The following HEXB variants were observed in gnomAD, a reference collection of about 807,000 sequenced individuals.
HEXB encodes the protein hexosaminidase subunit beta, also known as beta-hexosaminidase subunit beta.
In HEXB, 51 loss-of-function variants were observed where a neutral mutation model predicts 71.2. That is an observed-to-expected ratio of 0.72 (90% confidence interval 0.57 to 0.90). HEXB has a LOEUF of 0.90. Among genes scored for constraint, HEXB ranks in the 40% least tolerant of loss-of-function variants. HEXB has a pLI of 0.00. For missense variants in HEXB, 617 were observed against 677.0 expected (o/e 0.91, Z 0.98); for synonymous variants, 266 against 249.3 (o/e 1.07, Z -0.63).
intron 5 of HEXB, among the ~76,000 whole-genome samples, chr5:74,698,303 AC>A (rs1413415764): frequency 2.0e-5 from 3 of 151,434 alleles, no homozygotes; most frequent in African/African-American, 7.3e-5. Context: ...CGAACTCCTG[AC>A]CTCAGGTGAT....
chr5:74,693,984 C>T (rs1749057990), intron 3 of HEXB, among the ~76,000 whole-genome samples: 1 of 152,114 alleles, frequency 6.6e-6, no homozygotes, highest in Admixed American at 6.6e-5. Flanking sequence ...CATGGTGCAA[C>T]TCCATCTCTA....
At chr5:74,661,242 C>A (rs535486888) in intron 1 of HEXB, among the ~76,000 whole-genome samples, 24 of 152,220 alleles carry the variant, frequency 1.6e-4, no homozygotes, top group African/African-American at 5.8e-4. Flanking sequence ...GAACATAAAT[C>A]GAAATCCACA....
At chr5:74,714,928 G>T (rs769825096) in intron 7 of HEXB, among the ~76,000 whole-genome samples, 1 of 152,126 alleles carries the variant, frequency 6.6e-6, no homozygotes, top group Non-Finnish European at 1.5e-5. Context: ...CACACTTTGG[G>T]AAAACCTTTG....
intron 8 of HEXB, 25 bp downstream of exon 8, chr5:74,715,715 T>TAAAAAA: frequency 2.1e-6 from 3 of 1,418,726 alleles, no homozygotes; most frequent in African/African-American, 1.5e-5. Context: ...TAAAACCCCT[T>TAAAAAA]TAAAAAAAAA....
intron 2 of HEXB, among the ~76,000 whole-genome samples, chr5:74,691,909 TAACAC>T (rs1436034549): frequency 3.3e-5 from 5 of 152,230 alleles, no homozygotes; most frequent in African/African-American, 1.2e-4. Flanking sequence ...TGATCATTGT[TAACAC>T]TAATAACTTG....
At chr5:74,675,587 A>C (rs1322514588) in intron 1 of HEXB, among the ~76,000 whole-genome samples, 1 of 152,214 alleles carries the variant, frequency 6.6e-6, no homozygotes, top group African/African-American at 2.4e-5. Context: ...CTGCCCCTGG[A>C]GCACACAACT....
Position 74,693,695 on chromosome 5 carries a change from G to A in HEXB, c.502G>A (p.Ala168Thr). 6.2e-7 allele frequency: 1 copy of A among 1,610,890 alleles called. No homozygotes were observed. The highest frequency in any genetic ancestry group is 8.5e-7 in the Non-Finnish European group (1 of 1,177,060). The change falls in exon 3 of 14, where the codon GCA becomes ACA. Residue 168 changes from alanine to threonine, a missense_variant. Transcript: ENST00000261416. ...CCTTAAGGCCAACAGAGTTTGGGGA[G>A]CATTACGAGGTAAGTTCCATGCAGT... ...AVLKANRVWG[A>T]LRGLETFSQL...
intron 13 of HEXB, 47 bp from the exon 14 acceptor site, chr5:74,721,067 ATGAT>A (rs1294732579): frequency 1.5e-6 from 2 of 1,335,300 alleles, no homozygotes; most frequent in Non-Finnish European, 1.1e-6. Flanking sequence ...ATCTTTATGA[ATGAT>A]ATCAATCTAA....
chr5:74,708,047 C>T (rs1406829981), intron 6 of HEXB, among the ~76,000 whole-genome samples: 13 of 151,972 alleles, frequency 8.6e-5, no homozygotes, highest in South Asian at 4.2e-4. Context: ...AGAGAAAGGT[C>T]GGGTTACCCA....
intron 1 of HEXB, among the ~76,000 whole-genome samples, chr5:74,642,928 G>A (rs1266533708): frequency 6.6e-6 from 1 of 152,104 alleles, no homozygotes; most frequent in South Asian, 2.1e-4. Context: ...ATAGAAGAAA[G>A]GGAAAAAAAG....
chr5:74,705,447 A>AT (rs1164343817), intron 6 of HEXB, 127 bp downstream of exon 6: 3 of 699,622 alleles, frequency 4.3e-6, no homozygotes, highest in Non-Finnish European at 7.5e-6. Context: ...ATGGTTTTTA[A>AT]TTTTTTTGGC....
chr5:74,679,419 C>T (rs1265663751), intron 1 of HEXB, among the ~76,000 whole-genome samples: 5 of 152,146 alleles, frequency 3.3e-5, no homozygotes, highest in African/African-American at 1.2e-4. Flanking sequence ...GATGTGTCCA[C>T]CTAAGAGAAT....
intron 1 of HEXB, among the ~76,000 whole-genome samples, chr5:74,658,795 G>A (rs1748267282): frequency 6.6e-6 from 1 of 152,032 alleles, no homozygotes; most frequent in African/African-American, 2.4e-5. Flanking sequence ...CTTTTCCTGC[G>A]ATAACTAGGA....
At chr5:74,717,135 C>A (rs1034381680) in intron 9 of HEXB, among the ~76,000 whole-genome samples, 12 of 152,078 alleles carry the variant, frequency 7.9e-5, no homozygotes, top group African/African-American at 2.9e-4. Context: ...GAGCTAAGAT[C>A]GCACCACTGC....
chr5:74,644,804 C>T (rs1298095255), intron 1 of HEXB, among the ~76,000 whole-genome samples: 1 of 110,354 alleles, frequency 9.1e-6, no homozygotes, highest in Non-Finnish European at 1.7e-5. Flanking sequence ...CAGAGTCTCA[C>T]TCTGTTGCCC....
chr5:74,665,012 C>T (rs1748408084), intron 1 of HEXB, among the ~76,000 whole-genome samples: 1 of 152,104 alleles, frequency 6.6e-6, no homozygotes, highest in Admixed American at 6.5e-5. Context: ...CCCTTTGATC[C>T]AGTAATTCTA....
intron 1 of HEXB, among the ~76,000 whole-genome samples, chr5:74,653,903 G>T (rs1050241806): frequency 6.6e-6 from 1 of 152,142 alleles, no homozygotes; most frequent in South Asian, 2.1e-4. Context: ...ACTAGTAGGG[G>T]TGTGGTCTAG....
chr5:74,663,917 G>C (rs550713513), intron 1 of HEXB, among the ~76,000 whole-genome samples: 1 of 152,234 alleles, frequency 6.6e-6, no homozygotes, highest in Admixed American at 6.5e-5. Flanking sequence ...CTTGAGCCCA[G>C]GATTTCAAGA....
At chr5:74,709,650 A>G (rs1020907975) in intron 6 of HEXB, among the ~76,000 whole-genome samples, 12 of 152,172 alleles carry the variant, frequency 7.9e-5, no homozygotes, top group Non-Finnish European at 1.8e-4. Context: ...ATCAGAGAAT[A>G]CTACAAACAC....
Sources: allele counts gnomAD v4.1 joint callset (sites outside exome capture counted in the v4.1 genomes callset), GRCh38; gene constraint gnomAD v4.1.1; transcripts MANE v1.5; gene names NCBI Gene and HGNC (gene_info 2026-07-23, HGNC 2026-07-21).